The following ENTPD4 variants were observed in gnomAD, a reference collection of about 807,000 sequenced individuals.
ENTPD4 encodes the protein Golgi UDPase.
A neutral mutation model predicts 79.1 loss-of-function variants in ENTPD4; 60 were observed. The observed-to-expected ratio is 0.76, with a 90% CI of 0.62 to 0.94. The LOEUF (loss-of-function observed/expected upper bound fraction) is 0.94, where lower values mean the gene tolerates loss of function less well. ENTPD4 is among the 40% of genes least tolerant of loss of function. ENTPD4 has a pLI of 0.00. For synonymous variants in ENTPD4, 276 were observed against 292.0 expected (o/e 0.95, Z 0.56); for missense variants, 772 against 775.1 (o/e 1.00, Z 0.05).
At chr8:23,439,361 A>G (rs1800628164) in intron 9 of ENTPD4, among the ~76,000 whole-genome samples, 1 of 152,208 alleles carries the variant, frequency 6.6e-6, no homozygotes, top group African/African-American at 2.4e-5. Context: ...CAATCTCCTC[A>G]GCAACAAGAG....
chr8:23,439,690 T>C, intron 9 of ENTPD4, 59 bp downstream of exon 9: 2 of 1,554,680 alleles, frequency 1.3e-6, no homozygotes, highest in Non-Finnish European at 1.8e-6. Flanking sequence ...CTGGGTCTGT[T>C]TTTTATGAGG....
intron 1 of ENTPD4, 67 bp from the exon 2 acceptor site, chr8:23,450,064 T>G: frequency 1.2e-6 from 1 of 815,306 alleles, no homozygotes; most frequent in Non-Finnish European, 2.0e-6. Flanking sequence ...GTTCTTTAAG[T>G]GTGTGCTTAA....
At chr8:23,436,763 G>C (rs959959354) in intron 10 of ENTPD4, among the ~76,000 whole-genome samples, 171 bp downstream of exon 10, 2 of 152,182 alleles carry the variant, frequency 1.3e-5, no homozygotes, top group Non-Finnish European at 2.9e-5. Context: ...TTTTACTTCT[G>C]CTGTGACTAT....
chr8:23,455,717 C>T (rs1400600532), intron 1 of ENTPD4, among the ~76,000 whole-genome samples: 2 of 152,172 alleles, frequency 1.3e-5, no homozygotes, highest in African/African-American at 4.8e-5. Flanking sequence ...TCCAGTTCCA[C>T]GTTCCAAGCT....
rs147457481 is a variant in ENTPD4, at chr8:23,443,920, G to A, written c.597C>T (p.Thr199=). The A allele has an allele frequency of 1.1e-4, 182 of 1,612,996 alleles. 1 individual carries two copies. Among genetic ancestry groups the A allele is most frequent in the Admixed American group, 9.8e-4 (59 of 59,956 alleles). ...QQKAILEDLL[T]DIPVHFDFLF... ...GAAAGTCAAAGTGCACGGGGATATC[G>A]GTCAGAAGGTCTTCCAGAATAGCTT... The change falls in exon 6 of 13, where the codon ACC becomes ACT. Residue 199 remains threonine, a synonymous_variant. Coordinates refer to ENST00000358689, the MANE Select transcript of ENTPD4 (RefSeq NM_004901.5).
intron 5 of ENTPD4, 27 bp from the exon 6 acceptor site, chr8:23,443,980 AT>A: frequency 1.4e-6 from 2 of 1,475,756 alleles, no homozygotes; most frequent in Non-Finnish European, 1.9e-6. Context: ...ACATTTACAA[AT>A]CAAAAGATTA....
chr8:23,441,906 C>A, intron 7 of ENTPD4, 101 bp downstream of exon 7: 1 of 1,185,886 alleles, frequency 8.4e-7, no homozygotes, highest in Non-Finnish European at 1.3e-6. Flanking sequence ...CTCCTACACG[C>A]TTAGGAGTGT....
intron 12 of ENTPD4, among the ~76,000 whole-genome samples, chr8:23,433,596 G>A (rs1800501065): frequency 6.6e-6 from 1 of 152,184 alleles, no homozygotes; most frequent in Non-Finnish European, 1.5e-5. Flanking sequence ...CTTAGCACAG[G>A]TCAACTGACA....
chr8:23,430,558 T>A lies in ENTPD4; in HGVS notation c.*2368A>T. The A allele has an allele frequency of 1.0e-6, 1 of 984,144 alleles. No homozygotes were observed. The allele number at this position is 984,144 out of a possible 1,614,324, so 61.0% of individuals were successfully genotyped here. A position where few individuals can be genotyped will look rare whatever the true frequency, so the allele number is the denominator to read the frequency against. Reference sequence around the variant, plus strand: ...AATATTCTAGGCTTTACAGGCCACATATAGTGTCTGCTGCATATTCTTCAA... The same window carrying A: ...AATATTCTAGGCTTTACAGGCCACAAATAGTGTCTGCTGCATATTCTTCAA... On this transcript the variant is annotated 3_prime_UTR_variant, in exon 13 of 13. Coordinates refer to ENST00000358689, the MANE Select transcript of ENTPD4 (RefSeq NM_004901.5).
chr8:23,436,885 C>T (rs367981803), intron 10 of ENTPD4, 49 bp downstream of exon 10: 5 of 1,419,284 alleles, frequency 3.5e-6, no homozygotes, highest in Admixed American at 4.2e-5. Flanking sequence ...TCACCGTCCA[C>T]ACTGGTCTCT....
rs368801908 is a variant in ENTPD4, at chr8:23,444,410, C to A, written c.563+46G>T. 2.5e-6 allele frequency: 4 copies of A among 1,574,250 alleles called. No individual in the cohort carries two copies. The East Asian group carries it at 9.0e-5, about 36-fold the overall frequency. On this transcript the variant is annotated intron_variant, in intron 5 of 12. Transcript: ENST00000358689. ...AAGGGGGAGAAGAACACCCCCTCTC[C>A]CCTCCAGGAACCCACCCTCACCCTT...
chr8:23,431,185 G>T lies in ENTPD4; in HGVS notation c.*1741C>A. The T allele has an allele frequency of 2.6e-6, 1 of 380,644 alleles. No individual in the cohort carries two copies. Among genetic ancestry groups the T allele is most frequent in the Non-Finnish European group, 3.6e-6 (1 of 277,732 alleles). 23.6% of individuals were successfully genotyped at this position (380,644 alleles called of 1,614,324 possible). On this transcript the variant is annotated 3_prime_UTR_variant, in exon 13 of 13. Transcript: ENST00000358689. ...TCAGCAGAACTGCCCCTAATGCTCA[G>T]TTCATGGCAATACAGGCCTTTTCTC...
At position 23,431,270 on chromosome 8, in the gene ENTPD4, T is replaced by C. The variant is rs1800449386; in HGVS notation, c.*1656A>G. On this transcript the variant is annotated 3_prime_UTR_variant, in exon 13 of 13. Transcript: ENST00000358689. ...GTACCTAGTTCCAAAGCCACTTTTA[T>C]AATATCCTCAGTTATCTGTTATAGC... The C allele has an allele frequency of 1.1e-6, 1 of 903,924 alleles. No individual in the cohort carries two copies. Among genetic ancestry groups the C allele is most frequent in the Non-Finnish European group, 1.3e-6 (1 of 756,116 alleles). The allele number at this position is 903,924 out of a possible 1,614,324, so 56.0% of individuals were successfully genotyped here.
chr8:23,447,167 T>TTAGGTTA (rs1800776749), intron 4 of ENTPD4, among the ~76,000 whole-genome samples: 2 of 152,238 alleles, frequency 1.3e-5, no homozygotes, highest in African/African-American at 4.8e-5. Context: ...CATGTCACAC[T>TTAGGTTA]GGCTTAGAAA....
intron 4 of ENTPD4, among the ~76,000 whole-genome samples, chr8:23,446,049 G>A (rs1176408014): frequency 2.6e-5 from 4 of 152,240 alleles, no homozygotes; most frequent in South Asian, 2.1e-4. Flanking sequence ...CAATGCACTC[G>A]AAGCCCTAAA....
Position 23,432,926 on chromosome 8 carries a change from T to G in ENTPD4, c.1851A>C (p.Ter617CysextTer52), listed in dbSNP as rs749052028. ...AGTCTTCGTGGAGCTGTGAGCTGGA[T>G]CACAAGGTCCCCGGGGCATTCTGGG... ...LPAQNAPGTL[*>C] Residue 617 changes from the stop codon to cysteine (C), a stop_lost, in exon 13 of 13, where the codon TGA becomes TGC. Transcript: ENST00000358689. The G allele has an allele frequency of 1.1e-5, 18 of 1,589,894 alleles. No individual in the cohort carries two copies. The highest frequency in any genetic ancestry group is 1.5e-5 in the Non-Finnish European group (18 of 1,166,950).
intron 7 of ENTPD4, 136 bp downstream of exon 7, chr8:23,441,870 GT>G: frequency 9.0e-7 from 1 of 1,115,380 alleles, no homozygotes; most frequent in Non-Finnish European, 1.3e-6. Context: ...GTTGAATTAC[GT>G]TCAACTGCAG....
At chr8:23,456,262 A>G (rs1800956111) in intron 1 of ENTPD4, among the ~76,000 whole-genome samples, 1 of 152,172 alleles carries the variant, frequency 6.6e-6, no homozygotes, top group South Asian at 2.1e-4. Context: ...AGCTGTCTCC[A>G]TGCCTGCCTC....
intron 6 of ENTPD4, 152 bp from the exon 7 acceptor site, chr8:23,442,218 T>C (rs1288990167): frequency 1.7e-6 from 1 of 590,316 alleles, no homozygotes; most frequent in African/African-American, 1.9e-5. Flanking sequence ...GATGTTTTTA[T>C]TACTCCAAAT....
Sources: gnomAD v4.1 joint callset for allele counts (sites outside exome capture counted in the v4.1 genomes callset) on GRCh38, gnomAD v4.1.1 for gene constraint, MANE v1.5 for transcripts, NCBI Gene and HGNC (gene_info 2026-07-23, HGNC 2026-07-21) for gene names.